The following LPP variants were observed in gnomAD, a reference collection of about 807,000 sequenced individuals.
LPP encodes LIM domain containing preferred translocation partner in lipoma.
A neutral mutation model predicts 60.4 loss-of-function variants in LPP; 38 were observed. That is an observed-to-expected ratio of 0.63 (90% CI 0.49 to 0.83). The LOEUF (loss-of-function observed/expected upper bound fraction) is 0.83, where lower values mean the gene tolerates loss of function less well. Ranked by LOEUF, LPP falls within the 40% of genes least tolerant of loss-of-function variation. The probability of loss-of-function intolerance (pLI) is 0.00; values close to 1 mark genes in which losing one functional copy is unlikely to be tolerated. For synonymous variants in LPP, 328 were observed against 290.8 expected (o/e 1.13, Z -1.30); for missense variants, 902 against 783.6 (o/e 1.15, Z -1.80).
intron 6 of LPP, among the ~76,000 whole-genome samples, chr3:188,527,589 C>T (rs1820987620): frequency 6.6e-6 from 1 of 152,024 alleles, no homozygotes; most frequent in African/African-American, 2.4e-5. Context: ...CTCCAGCAAG[C>T]CACTCTTCAT....
chr3:188,448,973 TG>T (rs1795970168), intron 4 of LPP, among the ~76,000 whole-genome samples: 1 of 152,180 alleles, frequency 6.6e-6, no homozygotes, highest in Non-Finnish European at 1.5e-5. Flanking sequence ...TTTTTCTACT[TG>T]AGGGCCTTTC....
At chr3:188,360,987 GT>G (rs761810245) in intron 3 of LPP, among the ~76,000 whole-genome samples, 62 of 152,230 alleles carry the variant, frequency 4.1e-4, no homozygotes, top group Non-Finnish European at 7.5e-4. Context: ...TATTGTTGAT[GT>G]TTTCTTTGTT....
At chr3:188,327,525 A>G (rs1343045157) in intron 2 of LPP, among the ~76,000 whole-genome samples, 3 of 152,194 alleles carry the variant, frequency 2.0e-5, no homozygotes, top group East Asian at 1.9e-4. Flanking sequence ...TTGAAGAAGC[A>G]TATAAGTGGA....
chr3:188,228,650 G>A (rs1454881873), intron 2 of LPP, among the ~76,000 whole-genome samples: 1 of 152,150 alleles, frequency 6.6e-6, no homozygotes, highest in Admixed American at 6.5e-5. Context: ...CAAATGACTG[G>A]ACAGAAAGAG....
chr3:188,325,196 G>C (rs1758077627), intron 2 of LPP, among the ~76,000 whole-genome samples: 1 of 152,120 alleles, frequency 6.6e-6, no homozygotes, highest in Admixed American at 6.6e-5. Context: ...GGCCAGGCTG[G>C]TCTCGAACTC....
intron 2 of LPP, among the ~76,000 whole-genome samples, chr3:188,276,669 GTCTCTCTCTCTCTC>G (rs750060555): frequency 1.0e-5 from 1 of 100,050 alleles, no homozygotes; most frequent in Admixed American, 9.6e-5. Context: ...CTCCAACTCT[GTCTCTCTCTCTCTC>G]TCTCTCTCTC....
intron 9 of LPP, among the ~76,000 whole-genome samples, chr3:188,846,924 A>G (rs1331255405): frequency 6.6e-6 from 1 of 152,178 alleles, no homozygotes; most frequent in Non-Finnish European, 1.5e-5. Flanking sequence ...ATGCTGTGGC[A>G]GAATAGAAAA....
chr3:188,183,102 C>T lies in LPP; in HGVS notation c.-190+28850C>T, dbSNP rs956417178. ...CTGCCTGAGGACACACTTCACATTA[C>T]CTGAGCTGCTTCTGACCTGCAGTGT... On this transcript the variant is annotated intron_variant, in intron 1 of 11. Coordinates refer to ENST00000617246, the MANE Select transcript of LPP (RefSeq NM_001375462.1). 2.6e-5 allele frequency among the ~76,000 whole-genome samples: 4 copies of T among 152,290 alleles called. No individual in the cohort carries two copies. The East Asian group carries it at 5.8e-4, about 22-fold the overall frequency.
intron 1 of LPP, among the ~76,000 whole-genome samples, chr3:188,188,763 C>T (rs1468550811): frequency 6.6e-6 from 1 of 152,124 alleles, no homozygotes; most frequent in Non-Finnish European, 1.5e-5. Flanking sequence ...GAAGATGCTG[C>T]ATCATTGTTG....
At position 188,723,708 on chromosome 3, in the gene LPP, A is replaced by G. The variant is rs969699504; in HGVS notation, c.1240+15315A>G. Among the ~76,000 whole-genome samples the G allele has an allele frequency of 6.0e-5, 9 of 149,774 alleles. No individual in the cohort carries two copies. The East Asian group carries it at 1.6e-3, about 26-fold the overall frequency. ...CCACTTAGCTTGTGAATGTAGCTTA[A>G]AAAAAAAAAGATTTTACACAAATAA... On this transcript the variant is annotated intron_variant, in intron 8 of 11. Coordinates refer to ENST00000617246, the MANE Select transcript of LPP (RefSeq NM_001375462.1).
chr3:188,248,479 TATATATATA>T (rs1560154894), intron 2 of LPP, among the ~76,000 whole-genome samples: 1 of 128,620 alleles, frequency 7.8e-6, no homozygotes, highest in Non-Finnish European at 1.7e-5. Flanking sequence ...TATATATATA[TATATATATA>T]TATATATATA....
At chr3:188,814,283 A>C (rs1751886065) in intron 9 of LPP, among the ~76,000 whole-genome samples, 1 of 152,192 alleles carries the variant, frequency 6.6e-6, no homozygotes, top group South Asian at 2.1e-4. Flanking sequence ...TATGCATTAC[A>C]AAAAAGCCAC....
At position 188,886,179 on chromosome 3, in the gene LPP, A is replaced by G. The variant is rs1770640057; in HGVS notation, c.*11700A>G. The G allele has an allele frequency of 6.6e-6, 1 of 152,118 alleles. No homozygotes were observed. The highest frequency in any genetic ancestry group is 1.9e-4 in the East Asian group (1 of 5,196). 9.4% of individuals were successfully genotyped at this position (152,118 alleles called of 1,614,324 possible). ...GGTGGAGGGAGGAGGGAGGGATAGC[A>G]TTAGGAGATATACCTAATGCTAAAT... On this transcript the variant is annotated 3_prime_UTR_variant, in exon 12 of 12. Transcript: ENST00000617246.
chr3:188,303,914 A>G (rs973805592), intron 2 of LPP, among the ~76,000 whole-genome samples: 1 of 152,302 alleles, frequency 6.6e-6, no homozygotes, highest in East Asian at 1.9e-4. Flanking sequence ...CACTTTTCTT[A>G]GTAAAAGGAC....
chr3:188,719,608 G>T (rs1031632696), intron 8 of LPP, among the ~76,000 whole-genome samples: 2 of 152,214 alleles, frequency 1.3e-5, no homozygotes, highest in African/African-American at 4.8e-5. Flanking sequence ...GGCACACATT[G>T]TCTGTGGTGC....
chr3:188,602,089 T>TATATATAC (rs1491091467), intron 6 of LPP, among the ~76,000 whole-genome samples: 2 of 98,378 alleles, frequency 2.0e-5, no homozygotes, highest in Non-Finnish European at 4.4e-5. Context: ...TATATATATA[T>TATATATAC]ACACACACAT....
rs1771142430 is a variant in LPP, at chr3:188,890,618, A to G, written c.*16139A>G. ...ATTATATTTCTTTTTTCTGTAAAAG[A>G]GTTGCAACTACTTTATTATATTTAG... On this transcript the variant is annotated 3_prime_UTR_variant, in exon 12 of 12. Coordinates refer to ENST00000617246, the MANE Select transcript of LPP (RefSeq NM_001375462.1). 5 of 172,962 alleles carry G rather than the reference A, an allele frequency of 2.9e-5. No homozygotes were observed. In the Admixed American group the frequency reaches 3.2e-4, roughly 11 times the overall value. 10.7% of individuals were successfully genotyped at this position (172,962 alleles called of 1,614,324 possible).
At chr3:188,815,073 T>C (rs1281136985) in intron 9 of LPP, among the ~76,000 whole-genome samples, 1 of 152,244 alleles carries the variant, frequency 6.6e-6, no homozygotes, top group Non-Finnish European at 1.5e-5. Flanking sequence ...ATACTAGTTA[T>C]GATTATGTTT....
chr3:188,329,812 T>G (rs769125970), intron 2 of LPP, among the ~76,000 whole-genome samples: 1 of 152,188 alleles, frequency 6.6e-6, no homozygotes, highest in African/African-American at 2.4e-5. Context: ...ATTTTCTGAA[T>G]AAGATGGAAT....
Sources: gnomAD v4.1 joint callset for allele counts (sites outside exome capture counted in the v4.1 genomes callset) on GRCh38, gnomAD v4.1.1 for gene constraint, MANE v1.5 for transcripts, NCBI Gene and HGNC (gene_info 2026-07-23, HGNC 2026-07-21) for gene names.